The following LIMS1 variants were observed in gnomAD, a reference collection of about 807,000 sequenced individuals.
LIMS1 encodes the protein LIM zinc finger domain containing 1.
LIMS1 carries 18 observed loss-of-function variants against 44.1 expected under a neutral mutation model. The observed-to-expected ratio is 0.41, with a 90% confidence interval of 0.28 to 0.61. LIMS1 has a LOEUF of 0.61. LIMS1 is among the 20% of genes least tolerant of loss of function. LIMS1 has a pLI of 0.32. For synonymous variants in LIMS1, 93 were observed against 149.1 expected (o/e 0.62, Z 2.74); for missense variants, 201 against 422.0 (o/e 0.48, Z 4.59).
chr2:108,620,956 C>T (rs778000781), intron 1 of LIMS1, among the ~76,000 whole-genome samples: 9 of 152,162 alleles, frequency 5.9e-5, no homozygotes, highest in Non-Finnish European at 1.2e-4. Context: ...GCAAATAAAA[C>T]AGCAGGACCC....
At chr2:108,630,222 AAAG>A (rs1324078818) in intron 1 of LIMS1, among the ~76,000 whole-genome samples, 2 of 151,202 alleles carry the variant, frequency 1.3e-5, no homozygotes, top group Non-Finnish European at 3.0e-5. Flanking sequence ...AAAAGAAAGA[AAAG>A]AAAACCAGAA....
intron 1 of LIMS1, among the ~76,000 whole-genome samples, chr2:108,558,538 G>C (rs1157708285): frequency 6.6e-6 from 1 of 151,914 alleles, no homozygotes; most frequent in Non-Finnish European, 1.5e-5. Context: ...TACTCTAAAT[G>C]CCTTTGTTGC....
chr2:108,577,286 T>A (rs1361364122), intron 1 of LIMS1, among the ~76,000 whole-genome samples: 1 of 152,232 alleles, frequency 6.6e-6, no homozygotes, highest in African/African-American at 2.4e-5. Flanking sequence ...TAATACAGAC[T>A]CACTTCCGTG....
At chr2:108,628,930 A>G (rs1688739799) in intron 1 of LIMS1, among the ~76,000 whole-genome samples, 1 of 152,226 alleles carries the variant, frequency 6.6e-6, no homozygotes, top group Non-Finnish European at 1.5e-5. Flanking sequence ...CTGAGACTGC[A>G]TTGAAATATT....
intron 1 of LIMS1, among the ~76,000 whole-genome samples, chr2:108,592,115 G>A (rs560816337): frequency 6.6e-6 from 1 of 151,872 alleles, no homozygotes; most frequent in Non-Finnish European, 1.5e-5. Flanking sequence ...TTTTTCATGC[G>A]GGGACTTACA....
chr2:108,680,779 A>G lies in LIMS1; in HGVS notation c.899+9A>G. The G allele has an allele frequency of 6.2e-7, 1 of 1,609,470 alleles. No homozygotes were observed. The highest frequency in any genetic ancestry group is 8.5e-7 in the Non-Finnish European group (1 of 1,178,880). ...ACTAAATTAACACTCAAGTAAGTGT[A>G]CGGTTTTGTCCAGTGTGAATCCTAA... On this transcript the variant is annotated intron_variant, in intron 9 of 9. Transcript: ENST00000544547.
At chr2:108,662,439 G>C in intron 2 of LIMS1, 1 of 1,431,612 alleles carries the variant, frequency 7.0e-7, no homozygotes, top group Non-Finnish European at 9.4e-7. Context: ...CCCTGGGTCT[G>C]TGTGCTGTTA....
At chr2:108,633,981 G>T (rs1162476984) in intron 1 of LIMS1, among the ~76,000 whole-genome samples, 1 of 152,096 alleles carries the variant, frequency 6.6e-6, no homozygotes, top group South Asian at 2.1e-4. Context: ...GCACACCACC[G>T]TTCTTTAGAA....
intron 1 of LIMS1, among the ~76,000 whole-genome samples, chr2:108,644,982 A>C (rs915960899): frequency 1.3e-5 from 2 of 152,130 alleles, no homozygotes; most frequent in African/African-American, 4.8e-5. Context: ...CAAAGCCTCC[A>C]AGAAATATGG....
intron 1 of LIMS1, among the ~76,000 whole-genome samples, chr2:108,603,613 G>A (rs1687127644): frequency 6.9e-6 from 1 of 145,180 alleles, no homozygotes; most frequent in Non-Finnish European, 1.5e-5. Flanking sequence ...TCCTGCCTCA[G>A]CCTCCTGGCT....
At chr2:108,635,024 G>A (rs990008778) in intron 1 of LIMS1, among the ~76,000 whole-genome samples, 2 of 152,184 alleles carry the variant, frequency 1.3e-5, no homozygotes, top group South Asian at 2.1e-4. Flanking sequence ...ACATGTCACT[G>A]GGGCCAGAAA....
chr2:108,641,052 G>T (rs1689637404), intron 1 of LIMS1, among the ~76,000 whole-genome samples: 2 of 152,106 alleles, frequency 1.3e-5, no homozygotes. Context: ...TTCTGTGCCT[G>T]ACTTATTTCA....
At chr2:108,596,918 T>G (rs954846414) in intron 1 of LIMS1, among the ~76,000 whole-genome samples, 3 of 55,068 alleles carry the variant, frequency 5.4e-5, no homozygotes, top group East Asian at 5.8e-3. Context: ...AACATCTGTT[T>G]TTTTTTTTTT....
chr2:108,547,841 A>G (rs1573303597), intron 1 of LIMS1, among the ~76,000 whole-genome samples: 1 of 152,210 alleles, frequency 6.6e-6, no homozygotes, highest in Non-Finnish European at 1.5e-5. Context: ...TTAGAATACA[A>G]TACGGACTTT....
At chr2:108,637,884 C>T (rs1689384102) in intron 1 of LIMS1, among the ~76,000 whole-genome samples, 1 of 144,934 alleles carries the variant, frequency 6.9e-6, no homozygotes, top group African/African-American at 2.6e-5. Flanking sequence ...TTTTTTGAGA[C>T]AGTATCTCGC....
chr2:108,572,866 T>G (rs2104635511), intron 1 of LIMS1, among the ~76,000 whole-genome samples: 3 of 152,264 alleles, frequency 2.0e-5, no homozygotes, highest in South Asian at 4.1e-4. Flanking sequence ...CTCCCCACCC[T>G]TCTGTCATCC....
At chr2:108,636,566 A>C (rs796951032) in intron 1 of LIMS1, among the ~76,000 whole-genome samples, 14 of 152,322 alleles carry the variant, frequency 9.2e-5, no homozygotes, top group African/African-American at 3.4e-4. Flanking sequence ...GAGGACAAAG[A>C]TTCACAGAGG....
At chr2:108,577,689 A>G (rs1239932573) in intron 1 of LIMS1, among the ~76,000 whole-genome samples, 2 of 152,196 alleles carry the variant, frequency 1.3e-5, no homozygotes, top group Admixed American at 6.5e-5. Context: ...ACATGAATCT[A>G]TATTGTAGTA....
At chr2:108,587,291 TGTGTGTG>T (rs1266008804) in intron 1 of LIMS1, among the ~76,000 whole-genome samples, 2 of 81,536 alleles carry the variant, frequency 2.5e-5, no homozygotes, top group East Asian at 4.2e-4. Flanking sequence ...TCTTGGGGTT[TGTGTGTG>T]TGTGTGTGTG....
Sources: gnomAD v4.1 joint callset for allele counts (sites outside exome capture counted in the v4.1 genomes callset) on GRCh38, gnomAD v4.1.1 for gene constraint, MANE v1.5 for transcripts, NCBI Gene and HGNC (gene_info 2026-07-23, HGNC 2026-07-21) for gene names.